SLU7: variants seen among roughly 807,000 people sequenced by gnomAD.
The protein encoded by SLU7 is spliceosome associated SLU7, also known as pre-mRNA-splicing factor SLU7.
SLU7 carries 60 observed loss-of-function variants against 87.0 expected under a neutral mutation model. That is an observed-to-expected ratio of 0.69 (90% CI 0.56 to 0.86). The LOEUF is 0.86. Ranked by LOEUF, SLU7 falls within the 40% of genes least tolerant of loss-of-function variation. The pLI is 0.00. For synonymous variants in SLU7, 197 were observed against 222.0 expected, an observed-to-expected ratio of 0.89 and a Z score of 1.00; for missense variants, 507 against 686.6, an observed-to-expected ratio of 0.74 and a Z score of 2.92.
At chr5:160,409,963 ATCTTCTT>A (rs1765165024) in intron 6 of SLU7, among the ~76,000 whole-genome samples, 1 of 152,212 alleles carries the variant, frequency 6.6e-6, no homozygotes, top group African/African-American at 2.4e-5. Context: ...TTCGCTGTGC[ATCTTCTT>A]AAATTGTTTT....
At chr5:160,412,829 G>C (rs547312626) in intron 5 of SLU7, among the ~76,000 whole-genome samples, 3 of 151,922 alleles carry the variant, frequency 2.0e-5, no homozygotes, top group African/African-American at 7.3e-5. Flanking sequence ...CAGAACTCTA[G>C]ATGACTGACT....
chr5:160,407,514 C>G lies in SLU7; in HGVS notation c.1087G>C (p.Asp363His). Residue 363 changes from aspartate to histidine, a missense_variant, in exon 11 of 16, where the codon GAT becomes CAT. Around this residue, in one of 6 missense-constraint regions of SLU7, gnomAD observed 43 missense variants for 58.4 expected, o/e 0.74. Transcript: ENST00000297151. The surrounding 1 kb of genome is among the most constrained non-coding windows in gnomAD (Gnocchi z 4.2). The part of the protein sequence containing the change: ...LYKSFKVKKE[D>H]FKEQQKESIL... The stretch of plus-strand genomic sequence containing the variant: ...CTTTCTTTCTGCTGTTCTTTGAAAT[C>G]TTCTTTTTTGACTTTGAAGGACTTA... 1 of 1,612,470 alleles carries G rather than the reference C, an allele frequency of 6.2e-7. No homozygotes were observed. The highest frequency in any genetic ancestry group is 8.5e-7 in the Non-Finnish European group (1 of 1,179,466).
chr5:160,408,306 T>C (rs1246243174), intron 8 of SLU7, 23 bp downstream of exon 8: 2 of 1,595,324 alleles, frequency 1.3e-6, no homozygotes, highest in Non-Finnish European at 1.7e-6. Context: ...TTCAAATATG[T>C]ATGTTAAGCT....
intron 6 of SLU7, among the ~76,000 whole-genome samples, chr5:160,409,955 C>T (rs1055749270): frequency 2.0e-5 from 3 of 152,104 alleles, no homozygotes; most frequent in South Asian, 2.1e-4. Flanking sequence ...GGAGAGACTT[C>T]GCTGTGCATC....
rs757268079 is a variant in SLU7, at chr5:160,406,444, A to G, written c.1287+24T>C. ...ACAGAGCAAAACCAACAAGGACACA[A>G]AATTGTTCCAGTTTAGCACATACTG... is the stretch of plus-strand genomic sequence containing the variant. On this transcript the variant is annotated intron_variant, in intron 12 of 15. Transcript: ENST00000297151. 4.5e-6 allele frequency: 7 copies of G among 1,559,824 alleles called. No individual in the cohort carries two copies. The South Asian group carries it at 7.2e-5, about 16-fold the overall frequency.
chr5:160,405,901 C>T (rs2961941), intron 12 of SLU7, among the ~76,000 whole-genome samples: 115,052 of 152,080 alleles, frequency 0.76, 44,657 homozygotes, highest in Non-Finnish European at 0.84. Context: ...AACCGCATAA[C>T]GATCAAAAGA....
At chr5:160,415,979 G>A (rs1348260154) in intron 1 of SLU7, among the ~76,000 whole-genome samples, 1 of 151,844 alleles carries the variant, frequency 6.6e-6, no homozygotes, top group African/African-American at 2.4e-5. Context: ...TGCAACCTCC[G>A]CCTCCCAGGT....
At chr5:160,413,337 A>ACTT in intron 5 of SLU7, 119 bp downstream of exon 5, 5 of 826,910 alleles carry the variant, frequency 6.0e-6, no homozygotes, top group Non-Finnish European at 9.8e-6. Flanking sequence ...CAGTAGTACT[A>ACTT]CTATTATAAA....
intron 1 of SLU7, chr5:160,418,743 A>C (rs551198851): frequency 6.6e-6 from 1 of 152,368 alleles, no homozygotes; most frequent in African/African-American, 2.4e-5. Context: ...CCCTGCTCGC[A>C]GTCCGGGGAT....
chr5:160,416,018 G>A (rs1372042639), intron 1 of SLU7, among the ~76,000 whole-genome samples: 1 of 151,922 alleles, frequency 6.6e-6, no homozygotes, highest in Non-Finnish European at 1.5e-5. Context: ...TCAGTCTCCC[G>A]AGTAGCTCGA....
chr5:160,411,098 C>T (rs2113139602), intron 6 of SLU7, among the ~76,000 whole-genome samples: 1 of 152,282 alleles, frequency 6.6e-6, no homozygotes, highest in South Asian at 2.1e-4. Flanking sequence ...GATCTCCTGA[C>T]CTTGGGATCC....
intron 1 of SLU7, 54 bp from the exon 2 acceptor site, chr5:160,415,364 A>G: frequency 7.7e-7 from 1 of 1,293,938 alleles, no homozygotes; most frequent in Non-Finnish European, 1.1e-6. Context: ...GAATTCACTC[A>G]AACTACCAAA....
chr5:160,414,204 C>A, intron 3 of SLU7, 115 bp downstream of exon 3: 1 of 861,732 alleles, frequency 1.2e-6, no homozygotes, highest in Non-Finnish European at 1.7e-6. Flanking sequence ...ATTTCAATAC[C>A]AGATAAAGGG....
rs1395857905 is a variant in SLU7 at position 160,407,175 on chromosome 5, CAA to C, written c.1125+299_1125+300del. Among the ~76,000 whole-genome samples the C allele has an allele frequency of 6.6e-6, 1 of 152,232 alleles. No homozygotes were observed. Among genetic ancestry groups the C allele is most frequent in the African/African-American group, 2.4e-5 (1 of 41,466 alleles). On this transcript the variant is annotated intron_variant, in intron 11 of 15. Coordinates refer to ENST00000297151, the MANE Select transcript of SLU7 (RefSeq NM_006425.5). This position sits in a 1 kb window ranked among gnomAD's most constrained non-coding sequence, Gnocchi z 4.2. ...CAATTAGCCTGTTAACTGCTAAACA[CAA>C]GAGTGAGGCCATCTTAGTTCATCAT...
intron 6 of SLU7, 67 bp downstream of exon 6, chr5:160,412,382 CTT>C (rs988775053): frequency 2.1e-6 from 2 of 972,494 alleles, no homozygotes; most frequent in South Asian, 2.8e-5. Context: ...AAAATGAATT[CTT>C]GTTTCAATTT....
At position 160,408,644 on chromosome 5, in the gene SLU7, T is replaced by C; in HGVS notation, c.687+6A>G. ...CATATACTCAGAGACAGCAAATATG[T>C]ATTACCATCTGAGAATTTGGTTCCT... On this transcript the variant is annotated splice_donor_region_variant and intron_variant, in intron 7 of 15. Transcript: ENST00000297151. The C allele has an allele frequency of 1.3e-6, 2 of 1,540,400 alleles. No homozygotes were observed. Among genetic ancestry groups the C allele is most frequent in the Admixed American group, 1.7e-5 (1 of 57,550 alleles).
intron 12 of SLU7, among the ~76,000 whole-genome samples, chr5:160,406,073 A>G (rs1479283076): frequency 6.6e-6 from 1 of 152,242 alleles, no homozygotes; most frequent in African/African-American, 2.4e-5. Context: ...TCCTCATTTT[A>G]AGGAGATATG....
chr5:160,415,255 G>C lies in SLU7; in HGVS notation c.40C>G (p.Leu14Val), dbSNP rs1168171500. 1.2e-6 allele frequency: 2 copies of C among 1,610,480 alleles called. No homozygotes were observed. The highest frequency in any genetic ancestry group is 1.7e-5 in the Admixed American group (1 of 59,240). ...AAACTCATTTCTTTGGACCCCGATA[G>C]GGGTGCAGCATTAACTGCATCTACA... ...TVVDAVNAAP[L>V]SGSKEMSLEE... Residue 14 changes from leucine to valine, a missense_variant, in exon 2 of 16, where the codon CTA becomes GTA. Coordinates refer to ENST00000297151, the MANE Select transcript of SLU7 (RefSeq NM_006425.5).
intron 11 of SLU7, among the ~76,000 whole-genome samples, chr5:160,406,927 CT>C (rs1469294061): frequency 5.3e-5 from 8 of 152,322 alleles, no homozygotes; most frequent in Admixed American, 6.5e-5. Context: ...GAGACGAAGT[CT>C]TTCTCTGTCC....
Sources: gnomAD v4.1 joint callset for allele counts (sites outside exome capture counted in the v4.1 genomes callset) on GRCh38, gnomAD v4.1.1 for gene constraint, gnomAD v4.1.1 regional missense constraint, Gnocchi (gnomAD v3.1) non-coding constraint, MANE v1.5 for transcripts, NCBI Gene and HGNC (gene_info 2026-07-23, HGNC 2026-07-21) for gene names.